WASHC4: variants seen among roughly 807,000 people sequenced by gnomAD.
The protein encoded by WASHC4 is WASH complex subunit 4, also known as WASH complex subunit 7.
In WASHC4, 86 loss-of-function variants were observed where a neutral mutation model predicts 166.6. The ratio of observed to expected loss-of-function variants is 0.52; its 90% CI spans 0.43 to 0.62. The LOEUF (loss-of-function observed/expected upper bound fraction) is 0.62, where lower values mean the gene tolerates loss of function less well. Ranked by LOEUF, WASHC4 falls within the 20% of genes least tolerant of loss-of-function variation. WASHC4 has a pLI of 0.00. For missense variants in WASHC4, 1,262 were observed against 1,382.4 expected (o/e 0.91, Z 1.38); for synonymous variants, 446 against 451.6 (o/e 0.99, Z 0.16).
chr12:105,141,449 C>G (rs1266772380), intron 18 of WASHC4, among the ~76,000 whole-genome samples: 2 of 152,150 alleles, frequency 1.3e-5, no homozygotes, highest in Admixed American at 6.5e-5. Context: ...CATGTAGCCC[C>G]TAGAAAAACT....
intron 26 of WASHC4, among the ~76,000 whole-genome samples, chr12:105,155,947 G>C (rs1375255497): frequency 6.6e-6 from 1 of 152,240 alleles, no homozygotes; most frequent in Non-Finnish European, 1.5e-5. Flanking sequence ...TGCTAAAGGT[G>C]AAAGTAGGGA....
At chr12:105,142,860 A>G (rs1228439985) in intron 19 of WASHC4, among the ~76,000 whole-genome samples, 1 of 152,092 alleles carries the variant, frequency 6.6e-6, no homozygotes, top group African/African-American at 2.4e-5. Flanking sequence ...AAATATTTTT[A>G]AGAAATATTC....
chr12:105,112,823 A>G (rs998315722), intron 2 of WASHC4, among the ~76,000 whole-genome samples: 2 of 152,152 alleles, frequency 1.3e-5, no homozygotes, highest in African/African-American at 2.4e-5. Context: ...AGTAGATACA[A>G]TGTCATCTCC....
chr12:105,121,408 T>G (rs1880730484), intron 9 of WASHC4, among the ~76,000 whole-genome samples: 2 of 152,216 alleles, frequency 1.3e-5, no homozygotes, highest in Admixed American at 1.3e-4. Context: ...ATAATACATC[T>G]GTATAAAGCA....
At chr12:105,165,725 A>G (rs952436931) in intron 32 of WASHC4, among the ~76,000 whole-genome samples, 16 of 152,146 alleles carry the variant, frequency 1.1e-4, no homozygotes, top group African/African-American at 3.9e-4. Flanking sequence ...TTATTTCTTG[A>G]CATTGTTGCA....
At position 105,152,413 on chromosome 12, in the gene WASHC4, G is replaced by A. The variant is rs761478965; in HGVS notation, c.2720G>A (p.Ser907Asn). The A allele has an allele frequency of 1.2e-6, 2 of 1,605,434 alleles. No individual in the cohort carries two copies. The highest frequency in any genetic ancestry group is 8.5e-7 in the Non-Finnish European group (1 of 1,172,258). Residue 907 changes from serine (S) to asparagine (N), a missense_variant, in exon 26 of 33, where the codon AGC becomes AAC. Ser to Asn is a conservative substitution (Grantham distance 46). Coordinates refer to ENST00000332180, the MANE Select transcript of WASHC4 (RefSeq NM_015275.3). ...CTTGGAGTAACACCTGAGGGACAGAGCTACCTTGATCAATTCAGGCAACTC... is the reference window on the plus strand; with the variant it reads ...CTTGGAGTAACACCTGAGGGACAGAACTACCTTGATCAATTCAGGCAACTC... ...RKLGVTPEGQ[S>N]YLDQFRQLIS...
At chr12:105,124,663 T>C (rs1425067589) in intron 10 of WASHC4, among the ~76,000 whole-genome samples, 1 of 152,026 alleles carries the variant, frequency 6.6e-6, no homozygotes, top group Non-Finnish European at 1.5e-5. Context: ...GTATTTTTAG[T>C]AGAGACGAGG....
chr12:105,122,274 T>G, intron 10 of WASHC4, 36 bp downstream of exon 10: 1 of 1,602,674 alleles, frequency 6.2e-7, no homozygotes, highest in East Asian at 2.2e-5. Context: ...ACAGTGGGGC[T>G]CATATTAGAC....
At chr12:105,139,444 T>TATATATATATATATAC (rs1882622865) in intron 15 of WASHC4, among the ~76,000 whole-genome samples, 1 of 145,192 alleles carries the variant, frequency 6.9e-6, no homozygotes, top group African/African-American at 2.5e-5. Context: ...TATATATATA[T>TATATATATATATATAC]ATATATATAT....
intron 32 of WASHC4, among the ~76,000 whole-genome samples, chr12:105,166,342 G>A (rs1240779121): frequency 2.0e-5 from 3 of 152,082 alleles, no homozygotes; most frequent in African/African-American, 7.2e-5. Flanking sequence ...ACAGTGAAAA[G>A]CTGTTTCATT....
At chr12:105,147,325 G>A in intron 24 of WASHC4, 179 bp downstream of exon 24, 1 of 603,534 alleles carries the variant, frequency 1.7e-6, no homozygotes, top group Admixed American at 2.7e-5. Flanking sequence ...TGGATGTGAT[G>A]GGAGCTGTGA....
rs1336143721 is a variant in WASHC4, at chr12:105,122,112, C to T, written c.666-6C>T. On this transcript the variant is annotated splice_region_variant and splice_polypyrimidine_tract_variant and intron_variant, in intron 9 of 32. Coordinates refer to ENST00000332180, the MANE Select transcript of WASHC4 (RefSeq NM_015275.3). ...ATTTAAGATGTTTCTCTTAATTTTC[C>T]TCAAGGTTACTGAAATCTGTCCATC... 4.4e-6 allele frequency: 7 copies of T among 1,587,336 alleles called. No individual in the cohort carries two copies. Among genetic ancestry groups the T allele is most frequent in the East Asian group, 2.2e-5 (1 of 44,556 alleles).
chr12:105,124,994 A>C (rs1436539299), intron 10 of WASHC4, among the ~76,000 whole-genome samples: 2 of 152,260 alleles, frequency 1.3e-5, no homozygotes, highest in Non-Finnish European at 2.9e-5. Flanking sequence ...ATGACTAGTT[A>C]TATCAGACAG....
intron 10 of WASHC4, among the ~76,000 whole-genome samples, chr12:105,124,016 A>C (rs1460527722): frequency 1.3e-5 from 2 of 152,192 alleles, no homozygotes; most frequent in Non-Finnish European, 2.9e-5. Flanking sequence ...GAAGGCTCAA[A>C]TGTTAGCATT....
At chr12:105,155,033 G>C (rs1158240234) in intron 26 of WASHC4, 1 of 120,334 alleles carries the variant, frequency 8.3e-6, no homozygotes, top group Non-Finnish European at 1.7e-5. Context: ...ATGTTAACTT[G>C]TTTTTACATT....
rs1411939931 is a variant in WASHC4, at chr12:105,122,118, G to T, written c.666G>T (p.Arg222Ser). 6.3e-7 allele frequency: 1 copy of T among 1,593,276 alleles called. No individual in the cohort carries two copies. Among genetic ancestry groups the T allele is most frequent in the Non-Finnish European group, 8.6e-7 (1 of 1,162,426 alleles). ...TLKDHWTMYK[R>S]LLKSVHHNPS... is the part of the protein sequence containing the mutation. ...GATGTTTCTCTTAATTTTCCTCAAG[G>T]TTACTGAAATCTGTCCATCACAATC... Residue 222 changes from arginine to serine, a missense_variant and splice_region_variant, in exon 10 of 33, where the codon AGG (arginine) becomes AGT (serine). Transcript: ENST00000332180.
In WASHC4 at chr12:105,139,520, A is replaced by G. The variant is rs1321974050; in HGVS notation, c.1453-774A>G. ...AAAATTGTATTTCCAATTGACCAAC[A>G]CTGGTATTATCGAGCTTCATTTTTT... On this transcript the variant is annotated intron_variant, in intron 15 of 32. Coordinates refer to ENST00000332180, the MANE Select transcript of WASHC4 (RefSeq NM_015275.3). 3.4e-5 allele frequency among the ~76,000 whole-genome samples: 5 copies of G among 148,798 alleles called. No individual in the cohort carries two copies. In the East Asian group the frequency reaches 9.7e-4, roughly 29 times the overall value.
intron 28 of WASHC4, 67 bp downstream of exon 28, chr12:105,157,389 G>A (rs10083185): frequency 0.1 from 90,058 of 860,128 alleles, 5,513 homozygotes; most frequent in African/African-American, 0.21. Context: ...AGACCAGAGG[G>A]TAATATGTAA....
At chr12:105,165,579 A>G (rs1256862299) in intron 32 of WASHC4, among the ~76,000 whole-genome samples, 3 of 152,184 alleles carry the variant, frequency 2.0e-5, no homozygotes, top group African/African-American at 7.2e-5. Context: ...TGAAGTTTTC[A>G]TAAATCAAGA....
Sources: gnomAD v4.1 joint callset for allele counts (sites outside exome capture counted in the v4.1 genomes callset) on GRCh38, gnomAD v4.1.1 for gene constraint, MANE v1.5 for transcripts, NCBI Gene and HGNC (gene_info 2026-07-23, HGNC 2026-07-21) for gene names.